DOCK7: variants seen among roughly 807,000 people sequenced by gnomAD.
DOCK7 encodes dedicator of cytokinesis protein 7.
DOCK7 carries 138 observed loss-of-function variants against 271.0 expected under a neutral mutation model. That is an observed-to-expected ratio of 0.51 (90% CI 0.44 to 0.59). The LOEUF (loss-of-function observed/expected upper bound fraction) is 0.59, where lower values mean the gene tolerates loss of function less well. Ranked by LOEUF, DOCK7 falls within the 20% of genes least tolerant of loss-of-function variation. The pLI is 0.00. For missense variants in DOCK7, 2,066 were observed against 2,592.4 expected (o/e 0.80, Z 4.41); for synonymous variants, 823 against 876.1 (o/e 0.94, Z 1.07).
chr1:62,513,728 G>A lies in DOCK7; in HGVS notation c.4107C>T (p.Cys1369=), dbSNP rs1157875435. ...LLDLLYLCVS[C]FEYKGKKVFE... ...AATGACCACTTACTTTATACTCAAA[G>A]CAAGACACACAGAGATAAAGCAGAT... The change falls in exon 32 of 50, where the codon TGC becomes TGT. Residue 1369 remains cysteine (C), a synonymous_variant. Coordinates refer to ENST00000635253, the MANE Select transcript of DOCK7 (RefSeq NM_001367561.1). 1.9e-6 allele frequency: 3 copies of A among 1,613,722 alleles called. No homozygotes were observed. Among genetic ancestry groups the A allele is most frequent in the Non-Finnish European group, 2.5e-6 (3 of 1,179,932 alleles).
chr1:62,552,928 A>T, intron 21 of DOCK7, 27 bp from the exon 22 acceptor site: 1 of 1,428,654 alleles, frequency 7.0e-7, no homozygotes, highest in Non-Finnish European at 9.3e-7. Flanking sequence ...AATAGCACAT[A>T]ATTAAAGAAA....
At chr1:62,569,715 C>A (rs533789231) in intron 18 of DOCK7, among the ~76,000 whole-genome samples, 1 of 127,454 alleles carries the variant, frequency 7.8e-6, no homozygotes, top group Non-Finnish European at 1.7e-5. Context: ...TCCCCCCTCC[C>A]CCCCCCCTTT....
intron 31 of DOCK7, 88 bp downstream of exon 31, chr1:62,528,063 G>T: frequency 7.4e-7 from 1 of 1,343,192 alleles, no homozygotes. Flanking sequence ...TGCATCAGCT[G>T]ATACAATCAT....
At chr1:62,491,610 C>T (rs748966301) in intron 41 of DOCK7, among the ~76,000 whole-genome samples, 9 of 152,168 alleles carry the variant, frequency 5.9e-5, no homozygotes, top group Non-Finnish European at 1.3e-4. Flanking sequence ...AAGGCCCAGG[C>T]CTCCAATAAC....
At chr1:62,464,331 GA>G (rs1331897076) in intron 48 of DOCK7, among the ~76,000 whole-genome samples, 1 of 151,214 alleles carries the variant, frequency 6.6e-6, no homozygotes, top group Non-Finnish European at 1.5e-5. Flanking sequence ...AAAGTGCTGG[GA>G]TTACAGGCCT....
chr1:62,670,401 T>C (rs1198913251), intron 1 of DOCK7, among the ~76,000 whole-genome samples: 1 of 152,176 alleles, frequency 6.6e-6, no homozygotes, highest in East Asian at 1.9e-4. Flanking sequence ...TCAGGGATTG[T>C]AAATACACCA....
chr1:62,665,362 C>A (rs964850761), intron 1 of DOCK7, among the ~76,000 whole-genome samples: 2 of 152,020 alleles, frequency 1.3e-5, no homozygotes, highest in African/African-American at 4.8e-5. Context: ...CCTTACATAT[C>A]CTGATCCTCT....
At chr1:62,473,237 T>C (rs939965253) in intron 48 of DOCK7, among the ~76,000 whole-genome samples, 2 of 152,082 alleles carry the variant, frequency 1.3e-5, no homozygotes, top group African/African-American at 2.4e-5. Flanking sequence ...TGCAGGATCA[T>C]AGAAATTAAG....
intron 31 of DOCK7, among the ~76,000 whole-genome samples, chr1:62,520,320 T>C (rs921140387): frequency 3.3e-5 from 5 of 152,070 alleles, no homozygotes; most frequent in South Asian, 2.1e-4. Flanking sequence ...AGGCAACCTA[T>C]AGAATGGGAG....
At position 62,544,966 on chromosome 1, in the gene DOCK7, G is replaced by A; in HGVS notation, c.2840C>T (p.Pro947Leu). 1 of 1,549,666 alleles carries A rather than the reference G, an allele frequency of 6.5e-7. No individual in the cohort carries two copies. The highest frequency in any genetic ancestry group is 8.7e-7 in the Non-Finnish European group (1 of 1,146,360). The change falls in exon 23 of 50, where the codon CCA becomes CTA. Residue 947 changes from proline to leucine, a missense_variant. Physicochemically the swap from Pro to Leu is moderately conservative, Grantham distance 98. This residue lies in a region of DOCK7 where 1,414 missense variants were observed against 1,670.4 expected (regional missense o/e 0.85). Coordinates refer to ENST00000635253, the MANE Select transcript of DOCK7 (RefSeq NM_001367561.1). ...CACCACCTGTGTTGATTCTGCACTT[G>A]GACTGGGGTTGGATCCCCATGGGGC... ...KAAPWGSNPS[P>L]SAESTQAMDR...
chr1:62,670,991 G>GCGAGACCACGAGCCCAC (rs1659932111), intron 1 of DOCK7, among the ~76,000 whole-genome samples: 3 of 152,026 alleles, frequency 2.0e-5, no homozygotes, highest in Non-Finnish European at 4.4e-5. Flanking sequence ...CCTGAGCCCA[G>GCGAGACCACGAGCCCAC]CGAGACCACG....
chr1:62,682,354 A>C (rs1661264729), intron 1 of DOCK7, among the ~76,000 whole-genome samples: 1 of 152,182 alleles, frequency 6.6e-6, no homozygotes, highest in South Asian at 2.1e-4. Flanking sequence ...TTCTATGGTC[A>C]CCTAGAAGTG....
chr1:62,597,363 C>A lies in DOCK7; in HGVS notation c.1683-10739G>T, dbSNP rs940913958. 7.7e-6 allele frequency: 4 copies of A among 518,812 alleles called. No individual in the cohort carries two copies. The South Asian group carries it at 1.3e-4, about 16-fold the overall frequency. The allele number at this position is 518,812 out of a possible 1,614,324, so 32.1% of individuals were successfully genotyped here. On this transcript the variant is annotated intron_variant, in intron 14 of 49. Coordinates refer to ENST00000635253, the MANE Select transcript of DOCK7 (RefSeq NM_001367561.1). ...TACCTATTAAGTTAGTTGCTCATTT[C>A]TTTGATTTCATTTAGCATTGATCTA...
At chr1:62,461,611 G>A (rs1019284866) in intron 48 of DOCK7, among the ~76,000 whole-genome samples, 5 of 150,966 alleles carry the variant, frequency 3.3e-5, no homozygotes, top group African/African-American at 1.2e-4. Context: ...AGGCTGCAGT[G>A]AGCCATGATC....
At chr1:62,553,878 G>A (rs2149427721) in intron 21 of DOCK7, among the ~76,000 whole-genome samples, 1 of 151,842 alleles carries the variant, frequency 6.6e-6, no homozygotes, top group Non-Finnish European at 1.5e-5. Context: ...CGCACACGCA[G>A]CCCTTTCACT....
In DOCK7 at chr1:62,482,706, C is replaced by T. The variant is rs557701480; in HGVS notation, c.5508+4692G>A. 7 of 152,326 alleles carry T rather than the reference C, an allele frequency of 4.6e-5. No homozygotes were observed. In the South Asian group the frequency reaches 1.2e-3, roughly 27 times the overall value. The allele number at this position is 152,326 out of a possible 1,614,324, so 9.4% of individuals were successfully genotyped here. A position where few individuals can be genotyped will look rare whatever the true frequency, so the allele number is the denominator to read the frequency against. On this transcript the variant is annotated intron_variant, in intron 43 of 49. Coordinates refer to ENST00000635253, the MANE Select transcript of DOCK7 (RefSeq NM_001367561.1). ...AGCATAACCCCTGAACTATCATCCA[C>T]TTCTCTGGTGTTTTCTTGAGAATTC...
chr1:62,688,114 G>C, intron 1 of DOCK7, 113 bp downstream of exon 1: 10 of 1,163,254 alleles, frequency 8.6e-6, no homozygotes, highest in Non-Finnish European at 1.1e-5. Flanking sequence ...GCCAGGCCGC[G>C]GGATCCCGGT....
At chr1:62,588,678 T>A (rs528618187) in intron 14 of DOCK7, among the ~76,000 whole-genome samples, 1 of 152,288 alleles carries the variant, frequency 6.6e-6, no homozygotes, top group Admixed American at 6.5e-5. Flanking sequence ...TTTGGTTGCT[T>A]CCTTCTATGA....
chr1:62,659,633 A>T (rs1658437264), intron 2 of DOCK7, among the ~76,000 whole-genome samples: 1 of 152,208 alleles, frequency 6.6e-6, no homozygotes, highest in Non-Finnish European at 1.5e-5. Context: ...TTAAAATATG[A>T]CCTAACAATG....
Sources: gnomAD v4.1 joint callset for allele counts (sites outside exome capture counted in the v4.1 genomes callset) on GRCh38, gnomAD v4.1.1 for gene constraint, gnomAD v4.1.1 regional missense constraint, MANE v1.5 for transcripts, NCBI Gene and HGNC (gene_info 2026-07-23, HGNC 2026-07-21) for gene names.